LRPPRC: variants seen among roughly 807,000 people sequenced by gnomAD.
LRPPRC encodes leucine-rich PPR motif-containing protein, mitochondrial.
In LRPPRC, 120 loss-of-function variants were observed where a neutral mutation model predicts 180.3. That is an observed-to-expected ratio of 0.67 (90% CI 0.57 to 0.77). The LOEUF (loss-of-function observed/expected upper bound fraction) is 0.77, where lower values mean the gene tolerates loss of function less well. LRPPRC is among the 30% of genes least tolerant of loss of function. The pLI is 0.00. For missense variants in LRPPRC, 2,012 were observed against 1,657.2 expected, an observed-to-expected ratio of 1.21 and a Z score of -3.72; for synonymous variants, 723 against 600.0, an observed-to-expected ratio of 1.21 and a Z score of -3.00.
Position 43,934,991 on chromosome 2 carries a change from T to TAC in LRPPRC, c.2505-115_2505-114dup, listed in dbSNP as rs1672226750. Reference sequence around the variant, plus strand: ...AGTTAATATGTAAACAACTGAGCTTTACTTAAGGTAGAAAACCACAAAGCT... The same window carrying TAC: ...AGTTAATATGTAAACAACTGAGCTTTACACTTAAGGTAGAAAACCACAAAGCT... On this transcript the variant is annotated intron_variant, in intron 23 of 37. Coordinates refer to ENST00000260665, the MANE Select transcript of LRPPRC (RefSeq NM_133259.4). 1.4e-5 allele frequency: 11 copies of TAC among 773,872 alleles called. No individual in the cohort carries two copies. In the South Asian group the frequency reaches 2.0e-4, roughly 14 times the overall value. 47.9% of individuals were successfully genotyped at this position (773,872 alleles called of 1,614,324 possible). A position where few individuals can be genotyped will look rare whatever the true frequency, so the allele number is the denominator to read the frequency against.
intron 16 of LRPPRC, 64 bp downstream of exon 16, chr2:43,949,538 A>T (rs1672816447): frequency 1.7e-6 from 2 of 1,165,786 alleles, no homozygotes. Flanking sequence ...AATCCTCCTA[A>T]CCCATCATTA....
intron 22 of LRPPRC, 30 bp from the exon 23 acceptor site, chr2:43,943,924 G>C (rs770586884): frequency 2.0e-6 from 3 of 1,530,810 alleles, no homozygotes; most frequent in South Asian, 1.1e-5. Flanking sequence ...AAGACCCTTA[G>C]GTAATTTCAT....
chr2:43,946,283 T>C, intron 20 of LRPPRC, 40 bp from the exon 21 acceptor site: 1 of 1,547,916 alleles, frequency 6.5e-7, no homozygotes, highest in South Asian at 1.1e-5. Flanking sequence ...GAAATCAGTG[T>C]GAAGGTAAAA....
intron 25 of LRPPRC, among the ~76,000 whole-genome samples, chr2:43,927,836 C>T (rs1356869386): frequency 6.6e-6 from 1 of 152,208 alleles, no homozygotes; most frequent in African/African-American, 2.4e-5. Context: ...ATATATAAAT[C>T]TCAATCATCA....
chr2:43,932,834 GC>G (rs535814394), intron 25 of LRPPRC, among the ~76,000 whole-genome samples: 47 of 152,104 alleles, frequency 3.1e-4, no homozygotes, highest in Non-Finnish European at 6.0e-4. Flanking sequence ...CAGGTAGATG[GC>G]AAAACAAGAA....
In LRPPRC at chr2:43,977,240, A is replaced by G. The variant is rs1674098682; in HGVS notation, c.506T>C (p.Leu169Pro). ...ATATTCATTTTGAAGATAGACTTTAAGTAAAGCATTATAGTGACTCACATC... is the reference window on the plus strand; with the variant it reads ...ATATTCATTTTGAAGATAGACTTTAGGTAAAGCATTATAGTGACTCACATC... ...VYDVSHYNALLKVYLQNEYKF... is the reference protein window; with the variant it reads ...VYDVSHYNALPKVYLQNEYKF... The change falls in exon 4 of 38, where the codon CTT becomes CCT. Residue 169 changes from leucine (L) to proline (P), a missense_variant. By Grantham distance (98) the Leu-to-Pro change is moderately conservative. Coordinates refer to ENST00000260665, the MANE Select transcript of LRPPRC (RefSeq NM_133259.4). 2 of 1,601,742 alleles carry G rather than the reference A, an allele frequency of 1.2e-6. No individual in the cohort carries two copies. The highest frequency in any genetic ancestry group is 2.7e-5 in the African/African-American group (2 of 74,778).
intron 36 of LRPPRC, among the ~76,000 whole-genome samples, chr2:43,893,808 C>T (rs4563284): frequency 0.62 from 94,520 of 151,952 alleles, 31,346 homozygotes; most frequent in East Asian, 0.94. Context: ...CCTGTAAGGA[C>T]GGAAAAAGAG....
intron 1 of LRPPRC, among the ~76,000 whole-genome samples, chr2:43,994,519 G>A (rs1476545188): frequency 2.6e-5 from 4 of 152,142 alleles, no homozygotes; most frequent in Non-Finnish European, 5.9e-5. Flanking sequence ...GGAAGCTGAG[G>A]CCTGGAGATG....
intron 31 of LRPPRC, among the ~76,000 whole-genome samples, chr2:43,905,162 A>T (rs1268786144): frequency 6.6e-6 from 1 of 151,978 alleles, no homozygotes; most frequent in Non-Finnish European, 1.5e-5. Flanking sequence ...TGTTGGTATT[A>T]TGAACTATTA....
intron 30 of LRPPRC, among the ~76,000 whole-genome samples, chr2:43,906,837 G>C (rs969965456): frequency 1.3e-5 from 2 of 152,154 alleles, no homozygotes; most frequent in Non-Finnish European, 2.9e-5. Context: ...CACCCCTGCA[G>C]TCCCTGGACA....
intron 25 of LRPPRC, among the ~76,000 whole-genome samples, chr2:43,927,531 G>A (rs758328120): frequency 7.9e-5 from 12 of 152,020 alleles, no homozygotes; most frequent in Non-Finnish European, 8.8e-5. Context: ...TTTTTCTTAC[G>A]TTATTTGTTT....
intron 30 of LRPPRC, among the ~76,000 whole-genome samples, chr2:43,906,973 G>GAATT (rs1671086027): frequency 6.6e-6 from 1 of 152,130 alleles, no homozygotes; most frequent in Non-Finnish European, 1.5e-5. Context: ...ATGAGACTAA[G>GAATT]AATTGCACAA....
At chr2:43,947,120 T>A (rs925338958) in intron 20 of LRPPRC, 137 bp downstream of exon 20, 1 of 569,154 alleles carries the variant, frequency 1.8e-6, no homozygotes, top group African/African-American at 1.9e-5. Flanking sequence ...TTAGTTAACC[T>A]TTCATTTAAT....
intron 20 of LRPPRC, among the ~76,000 whole-genome samples, chr2:43,946,605 G>C (rs559924126): frequency 1.2e-4 from 19 of 152,060 alleles, no homozygotes; most frequent in African/African-American, 4.6e-4. Flanking sequence ...ATGTATCATT[G>C]AAAAGTTTCT....
chr2:43,968,659 A>G (rs1335755499), intron 11 of LRPPRC, among the ~76,000 whole-genome samples: 2 of 152,226 alleles, frequency 1.3e-5, no homozygotes, highest in East Asian at 1.9e-4. Flanking sequence ...TCTCACTTAC[A>G]TTAGAATAAA....
chr2:43,946,983 C>T (rs372794116), intron 20 of LRPPRC, among the ~76,000 whole-genome samples: 1 of 152,034 alleles, frequency 6.6e-6, no homozygotes, highest in Non-Finnish European at 1.5e-5. Context: ...GAGACCGGAG[C>T]CATGGCTTGA....
chr2:43,903,615 C>A (rs539598283), intron 31 of LRPPRC: 1 of 152,184 alleles, frequency 6.6e-6, no homozygotes, highest in East Asian at 1.9e-4. Flanking sequence ...AGGAACAGTG[C>A]GCTCGAGGCT....
Position 43,963,626 on chromosome 2 carries a change from A to C in LRPPRC, c.1450T>G (p.Cys484Gly). 2 of 1,612,224 alleles carry C rather than the reference A, an allele frequency of 1.2e-6. No individual in the cohort carries two copies. The highest frequency in any genetic ancestry group is 1.7e-6 in the Non-Finnish European group (2 of 1,178,354). The change falls in exon 12 of 38, where the codon TGC (cysteine) becomes GGC (glycine). Residue 484 changes from cysteine to glycine, a missense_variant. Physicochemically the swap from Cys to Gly is radical, Grantham distance 159 (BLOSUM62 -3). Transcript: ENST00000260665. ...QETYTDYVIP[C>G]FDSVNSARAI... The stretch of plus-strand genomic sequence containing the variant: ...CGTGCTGAGTTTACACTATCAAAGC[A>C]TGGAATCACATAATCTGTATATGTT...
At chr2:43,987,413 T>C (rs1013237142) in intron 1 of LRPPRC, among the ~76,000 whole-genome samples, 2 of 147,484 alleles carry the variant, frequency 1.4e-5, no homozygotes, top group Admixed American at 6.9e-5. Flanking sequence ...GAGAATGGCG[T>C]TAACCCAGGA....
Sources: allele counts gnomAD v4.1 joint callset (sites outside exome capture counted in the v4.1 genomes callset), GRCh38; gene constraint gnomAD v4.1.1; transcripts MANE v1.5; gene names NCBI Gene and HGNC (gene_info 2026-07-23, HGNC 2026-07-21).